NLRP11: variants seen among roughly 807,000 people sequenced by gnomAD.
NLRP11 encodes NLR family pyrin domain containing 11.
NLRP11 carries 53 observed loss-of-function variants against 79.3 expected under a neutral mutation model. The ratio of observed to expected loss-of-function variants is 0.67; its 90% CI spans 0.54 to 0.84. The LOEUF is 0.84. Among genes scored for constraint, NLRP11 ranks in the 40% least tolerant of loss-of-function variants. The probability of loss-of-function intolerance (pLI) is 0.00; values close to 1 mark genes in which losing one functional copy is unlikely to be tolerated. For missense variants in NLRP11, 1,264 were observed against 1,255.0 expected, an observed-to-expected ratio of 1.01 and a Z score of -0.11; for synonymous variants, 518 against 462.6, an observed-to-expected ratio of 1.12 and a Z score of -1.54.
upstream of NLRP11, chr19:55,832,143 A>G (rs1414189366): frequency 2.0e-5 from 3 of 152,220 alleles, no homozygotes; most frequent in African/African-American, 7.2e-5. Context: ...TTCTGCCCAG[A>G]TGCCCCAATT....
At position 55,809,390 on chromosome 19, in the gene NLRP11, A is replaced by G; in HGVS notation, c.1220T>C (p.Leu407Pro). The change falls in exon 3 of 10, where the codon CTG becomes CCG. Residue 407 changes from leucine (L) to proline (P), a missense_variant. Leu to Pro is a moderately conservative substitution (Grantham distance 98, BLOSUM62 -3). Transcript: ENST00000589093. The surrounding 1 kb of genome is among the most constrained non-coding windows in gnomAD (Gnocchi z 4.5). ...TTCACCACTGAAATTCAGGGTGCTC[A>G]GAAACAGTCCTCCTGCAGCCAGCAA... The G allele has an allele frequency of 6.2e-7, 1 of 1,614,202 alleles. No individual in the cohort carries two copies. The highest frequency in any genetic ancestry group is 8.5e-7 in the Non-Finnish European group (1 of 1,180,036).
chr19:55,793,555 CCAAAAAAAAAAAAA>C (rs1455412621), intron 6 of NLRP11, among the ~76,000 whole-genome samples: 1 of 30,668 alleles, frequency 3.3e-5, no homozygotes, highest in Non-Finnish European at 5.7e-5. Flanking sequence ...GTGACTGTCT[CCAAAAAAAAAAAAA>C]AAAAAAAAAA....
chr19:55,790,223 T>C lies in NLRP11; in HGVS notation c.2514-824A>G, dbSNP rs184789109. ...TAGGATTGAATTAAAAAAGTTTCCA[T>C]AGCAGTTTTTACTGCCTGATACAGG... On this transcript the variant is annotated intron_variant, in intron 7 of 9. Coordinates refer to ENST00000589093, the Ensembl canonical transcript of NLRP11. Among the ~76,000 whole-genome samples, 5 of 152,334 alleles carry C rather than the reference T, an allele frequency of 3.3e-5. No individual in the cohort carries two copies. In the East Asian group the frequency reaches 7.7e-4, roughly 24 times the overall value.
chr19:55,798,387 T>C, intron 5 of NLRP11: 1 of 962,526 alleles, frequency 1.0e-6, no homozygotes, highest in East Asian at 1.1e-4. Context: ...ATTGCCATTA[T>C]CCTTAGCAAA....
intron 5 of NLRP11, chr19:55,801,325 T>C (rs1979452950): frequency 2.1e-6 from 1 of 465,552 alleles, no homozygotes; most frequent in African/African-American, 1.9e-5. Context: ...ACCAGAGGAA[T>C]TAGATCATTA....
intron 1 of NLRP11, among the ~76,000 whole-genome samples, chr19:55,830,322 A>T (rs1377970678): frequency 6.6e-6 from 1 of 152,154 alleles, no homozygotes; most frequent in African/African-American, 2.4e-5. Flanking sequence ...GAGACTTCCG[A>T]GTTCAGGAGT....
At chr19:55,820,304 C>G (rs1981563044) in intron 1 of NLRP11, among the ~76,000 whole-genome samples, 1 of 152,112 alleles carries the variant, frequency 6.6e-6, no homozygotes, top group Admixed American at 6.6e-5. Flanking sequence ...TGAAGTCGAG[C>G]AAACTTTGGC....
chr19:55,801,175 ATCTC>A, intron 5 of NLRP11: 1 of 110,100 alleles, frequency 9.1e-6, no homozygotes, highest in South Asian at 2.1e-4. Context: ...GCGAAACTCC[ATCTC>A]AAAAAAAAAA....
At chr19:55,806,634 C>T (rs1027283878) in intron 4 of NLRP11, among the ~76,000 whole-genome samples, 2 of 152,130 alleles carry the variant, frequency 1.3e-5, no homozygotes, top group African/African-American at 2.4e-5. Context: ...CATTTTTAAA[C>T]GCGGTATCCA....
intron 1 of NLRP11, 51 bp downstream of exon 1, chr19:55,831,912 A>G (rs570866810): frequency 1.3e-5 from 2 of 152,206 alleles, no homozygotes; most frequent in Non-Finnish European, 2.9e-5. Flanking sequence ...TAACATAATA[A>G]AAAAAGACCT....
intron 9 of NLRP11, among the ~76,000 whole-genome samples, chr19:55,787,791 G>C (rs1989974095): frequency 6.6e-6 from 1 of 152,294 alleles, no homozygotes; most frequent in South Asian, 2.1e-4. Context: ...AGTCTTTTCA[G>C]TGTTTCTTGC....
intron 2 of NLRP11, among the ~76,000 whole-genome samples, chr19:55,814,285 G>T (rs1039501923): frequency 1.3e-5 from 2 of 152,126 alleles, no homozygotes; most frequent in Non-Finnish European, 2.9e-5. Flanking sequence ...AGGAAAATGA[G>T]CTCAGGGCTC....
chr19:55,790,109 T>G (rs1301371306), intron 7 of NLRP11, among the ~76,000 whole-genome samples: 2 of 152,208 alleles, frequency 1.3e-5, no homozygotes, highest in African/African-American at 4.8e-5. Context: ...TCCAAGTCTT[T>G]GCTCAAATGT....
upstream of NLRP11, among the ~76,000 whole-genome samples, chr19:55,833,963 G>A (rs1033297082): frequency 6.6e-6 from 1 of 150,440 alleles, no homozygotes; most frequent in Non-Finnish European, 1.5e-5. Context: ...AAAAAAAAAT[G>A]GATCCCTTCT....
intron 6 of NLRP11, among the ~76,000 whole-genome samples, chr19:55,794,338 G>T (rs1198799747): frequency 1.3e-5 from 2 of 152,196 alleles, no homozygotes; most frequent in East Asian, 3.8e-4. Flanking sequence ...TATCTATTTG[G>T]AGTCTGATTA....
chr19:55,829,200 ATTTTT>A (rs59415251), intron 1 of NLRP11, among the ~76,000 whole-genome samples: 2 of 147,856 alleles, frequency 1.4e-5, no homozygotes, highest in African/African-American at 4.9e-5. Context: ...ACAATATTGC[ATTTTT>A]TTTTTTTTTG....
chr19:55,807,550 A>G (rs1386926236), intron 4 of NLRP11, among the ~76,000 whole-genome samples: 1 of 152,104 alleles, frequency 6.6e-6, no homozygotes, highest in Non-Finnish European at 1.5e-5. Flanking sequence ...GTGATACAAG[A>G]AAGAGTTTTG....
chr19:55,796,614 C>T, intron 5 of NLRP11, among the ~76,000 whole-genome samples: 1 of 152,130 alleles, frequency 6.6e-6, no homozygotes, highest in East Asian at 1.9e-4. Flanking sequence ...CTTACCATCA[C>T]ATTTACAAGG....
intron 2 of NLRP11, among the ~76,000 whole-genome samples, chr19:55,812,541 G>GAGCT (rs1980704959): frequency 2.0e-5 from 3 of 152,242 alleles, no homozygotes; most frequent in Non-Finnish European, 4.4e-5. Context: ...AAATCACGAT[G>GAGCT]AGCTATTCCC....
Sources: gnomAD v4.1 joint callset for allele counts (sites outside exome capture counted in the v4.1 genomes callset) on GRCh38, gnomAD v4.1.1 for gene constraint, Gnocchi (gnomAD v3.1) non-coding constraint, MANE v1.5 for transcripts, NCBI Gene and HGNC (gene_info 2026-07-23, HGNC 2026-07-21) for gene names.